GRM8: variants seen among roughly 807,000 people sequenced by gnomAD.
The protein encoded by GRM8 is glutamate metabotropic receptor 8, also known as metabotropic glutamate receptor 8.
A neutral mutation model predicts 87.2 loss-of-function variants in GRM8; 47 were observed. That is an observed-to-expected ratio of 0.54 (90% confidence interval 0.43 to 0.69). The LOEUF (loss-of-function observed/expected upper bound fraction) is 0.69. GRM8 is among the 30% of genes least tolerant of loss of function. The pLI, the probability that GRM8 is intolerant of heterozygous loss-of-function variation, is 0.00. For missense variants in GRM8, 1,019 were observed against 1,139.2 expected, an observed-to-expected ratio of 0.89 and a Z score of 1.52; for synonymous variants, 396 against 404.5, an observed-to-expected ratio of 0.98 and a Z score of 0.25.
At chr7:126,892,919 G>T (rs1801195035) in intron 6 of GRM8, among the ~76,000 whole-genome samples, 1 of 151,858 alleles carries the variant, frequency 6.6e-6, no homozygotes, top group Non-Finnish European at 1.5e-5. Flanking sequence ...GTGTTTTTTG[G>T]CTGCATAAAT....
chr7:126,886,041 C>T (rs1434530435), intron 6 of GRM8, among the ~76,000 whole-genome samples: 3 of 152,024 alleles, frequency 2.0e-5, no homozygotes, highest in African/African-American at 7.3e-5. Flanking sequence ...CACAGATAAC[C>T]CAGGTAACTG....
intron 7 of GRM8, among the ~76,000 whole-genome samples, chr7:126,617,379 AAAT>A (rs1799618548): frequency 1.3e-5 from 2 of 152,204 alleles, no homozygotes; most frequent in South Asian, 4.1e-4. Flanking sequence ...ATGTATCTCA[AAAT>A]AATAAGAGCT....
chr7:126,465,139 C>T (rs1008746606), intron 9 of GRM8: 1 of 151,594 alleles, frequency 6.6e-6, no homozygotes, highest in Non-Finnish European at 1.5e-5. Flanking sequence ...ATGACGGGGT[C>T]TGTTTCTCAA....
intron 3 of GRM8, among the ~76,000 whole-genome samples, chr7:126,907,433 T>C (rs1014091804): frequency 2.6e-5 from 4 of 151,922 alleles, no homozygotes; most frequent in Non-Finnish European, 5.9e-5. Context: ...AGCAAAGGAA[T>C]TTAATTTAGA....
intron 9 of GRM8, among the ~76,000 whole-genome samples, chr7:126,504,687 T>C (rs1810175748): frequency 6.6e-6 from 1 of 152,046 alleles, no homozygotes. Flanking sequence ...AATCAATCAA[T>C]GCACCAGTTA....
At chr7:126,829,033 G>A (rs1166199986) in intron 6 of GRM8, among the ~76,000 whole-genome samples, 1 of 152,116 alleles carries the variant, frequency 6.6e-6, no homozygotes, top group Admixed American at 6.6e-5. Context: ...TCTTAATCCT[G>A]AGTTCTAGTA....
intron 9 of GRM8, among the ~76,000 whole-genome samples, chr7:126,451,938 T>G (rs973349623): frequency 4.6e-5 from 7 of 151,702 alleles, no homozygotes; most frequent in African/African-American, 1.7e-4. Context: ...AGTCTATATA[T>G]TTTACTCATT....
chr7:126,887,172 T>C (rs1461972275), intron 6 of GRM8, among the ~76,000 whole-genome samples: 2 of 152,048 alleles, frequency 1.3e-5, no homozygotes, highest in African/African-American at 4.8e-5. Context: ...AAGAATCAAC[T>C]AGAGATAGGT....
rs527691500 is a variant in GRM8, at chr7:127,100,286, A to G, written c.727+6210T>C. On this transcript the variant is annotated intron_variant, in intron 3 of 10. Coordinates refer to ENST00000339582, the MANE Select transcript of GRM8 (RefSeq NM_000845.3). ...GCACGTTCAGCTATGCATTCTGGCAAAAGTTCCTGTTTTCTTATGAAACAC... is the reference window on the plus strand; with the variant it reads ...GCACGTTCAGCTATGCATTCTGGCAGAAGTTCCTGTTTTCTTATGAAACAC... 6.5e-4 allele frequency among the ~76,000 whole-genome samples: 99 copies of G among 152,284 alleles called. 1 individual carries two copies. The highest frequency in any genetic ancestry group is 2.2e-3 in the African/African-American group (93 of 41,550).
At chr7:126,806,863 C>G (rs1792814291) in intron 6 of GRM8, among the ~76,000 whole-genome samples, 1 of 152,204 alleles carries the variant, frequency 6.6e-6, no homozygotes. Flanking sequence ...TAAGCCCCAG[C>G]TCCCACCCGC....
At chr7:126,802,750 C>T (rs1822863010) in intron 6 of GRM8, among the ~76,000 whole-genome samples, 1 of 152,112 alleles carries the variant, frequency 6.6e-6, no homozygotes, top group South Asian at 2.1e-4. Context: ...GGCAGAATCA[C>T]TAGAAGCCAT....
intron 3 of GRM8, among the ~76,000 whole-genome samples, chr7:127,093,083 A>G (rs1824310819): frequency 6.6e-6 from 1 of 152,200 alleles, no homozygotes; most frequent in South Asian, 2.1e-4. Context: ...CAGAACACCC[A>G]AGGGGTCAAG....
At chr7:126,941,403 C>T (rs546877831) in intron 3 of GRM8, among the ~76,000 whole-genome samples, 122 of 148,174 alleles carry the variant, frequency 8.2e-4, no homozygotes, top group Non-Finnish European at 1.5e-3. Context: ...GTCAGGAGAT[C>T]GAGACCACCC....
At chr7:126,692,164 A>T (rs993448059) in intron 7 of GRM8, among the ~76,000 whole-genome samples, 1 of 152,294 alleles carries the variant, frequency 6.6e-6, no homozygotes, top group East Asian at 1.9e-4. Context: ...TATAATAAAG[A>T]CCTTGACACA....
At chr7:127,053,485 T>A (rs1260265932) in intron 3 of GRM8, among the ~76,000 whole-genome samples, 1 of 152,206 alleles carries the variant, frequency 6.6e-6, no homozygotes, top group Non-Finnish European at 1.5e-5. Context: ...TATACATATA[T>A]GTGTATTTCA....
At chr7:126,532,008 T>C (rs1245632670) in intron 9 of GRM8, among the ~76,000 whole-genome samples, 2 of 152,212 alleles carry the variant, frequency 1.3e-5, no homozygotes, top group Admixed American at 1.3e-4. Context: ...GGGCTATCAT[T>C]ACAGAAATAC....
chr7:126,815,350 T>C (rs1006213566), intron 6 of GRM8, among the ~76,000 whole-genome samples: 1 of 152,152 alleles, frequency 6.6e-6, no homozygotes, highest in Non-Finnish European at 1.5e-5. Context: ...TACTGACTCA[T>C]TGTTTATATG....
intron 8 of GRM8, among the ~76,000 whole-genome samples, chr7:126,595,371 GTATTTTATTTTATTTTATTTTATTT>G (rs146479444): frequency 1.1e-4 from 15 of 133,720 alleles, no homozygotes; most frequent in African/African-American, 1.7e-4. Context: ...GCTAATTCTG[GTATTTTATTTTATTTTATTTTATTT>G]TATTTTATTT....
chr7:127,079,551 C>T (rs2132763890), intron 3 of GRM8, among the ~76,000 whole-genome samples: 1 of 152,262 alleles, frequency 6.6e-6, no homozygotes, highest in East Asian at 1.9e-4. Context: ...GCTACAGAAA[C>T]CAACTGGATT....
Sources: allele counts gnomAD v4.1 joint callset (sites outside exome capture counted in the v4.1 genomes callset), GRCh38; gene constraint gnomAD v4.1.1; transcripts MANE v1.5; gene names NCBI Gene and HGNC (gene_info 2026-07-23, HGNC 2026-07-21).